Variants in SPAG16 observed in about 807,000 individuals in gnomAD.
SPAG16 encodes sperm associated antigen 16, also known as sperm-associated antigen 16 protein.
In SPAG16, 86 loss-of-function variants were observed where a neutral mutation model predicts 80.4. The ratio of observed to expected loss-of-function variants is 1.07; its 90% CI spans 0.90 to 1.28. The LOEUF (loss-of-function observed/expected upper bound fraction) is 1.28, where lower values mean the gene tolerates loss of function less well. Ranked by LOEUF, SPAG16 falls within the 50% of genes most tolerant of loss-of-function variation. The pLI is 0.00. For missense variants in SPAG16, 870 were observed against 765.3 expected (o/e 1.14, Z -1.61); for synonymous variants, 294 against 265.9 (o/e 1.11, Z -1.03).
intron 14 of SPAG16, among the ~76,000 whole-genome samples, chr2:214,130,031 C>T (rs1423509881): frequency 3.3e-5 from 5 of 152,128 alleles, no homozygotes; most frequent in South Asian, 2.1e-4. Context: ...TACAAGTGAG[C>T]GTGCCTTCCA....
At chr2:213,831,061 ATGGAGTCTTGCTCTGTCCCCCAGGT>A (rs2073620604) in intron 10 of SPAG16, among the ~76,000 whole-genome samples, 1 of 102,960 alleles carries the variant, frequency 9.7e-6, no homozygotes. Context: ...TTTTTTTGAG[ATGGAGTCTTGCTCTGTCCCCCAGGT>A]TGGAGTGCAG....
chr2:214,165,469 C>CATTTTTTTTTTTTTTTT (rs2056610556), intron 15 of SPAG16, among the ~76,000 whole-genome samples: 1 of 37,842 alleles, frequency 2.6e-5, no homozygotes, highest in African/African-American at 1.4e-4. Flanking sequence ...CATCACCATC[C>CATTTTTTTTTTTTTTTT]TTTTTTTTTT....
intron 15 of SPAG16, among the ~76,000 whole-genome samples, chr2:214,324,270 T>G (rs1418762289): frequency 6.6e-6 from 1 of 152,232 alleles, no homozygotes; most frequent in East Asian, 1.9e-4. Context: ...GATATTTCTT[T>G]TCAAGTATAC....
intron 10 of SPAG16, among the ~76,000 whole-genome samples, chr2:213,525,506 C>A (rs2075856417): frequency 6.6e-6 from 1 of 151,800 alleles, no homozygotes; most frequent in Non-Finnish European, 1.5e-5. Flanking sequence ...CAAGGCTGGT[C>A]TCAAACTCCT....
At chr2:213,505,302 AT>A (rs570097398) in intron 10 of SPAG16, among the ~76,000 whole-genome samples, 32 of 151,406 alleles carry the variant, frequency 2.1e-4, no homozygotes, top group African/African-American at 7.3e-4. Context: ...TGTGGACACA[AT>A]TTTTTTTTAC....
intron 15 of SPAG16, among the ~76,000 whole-genome samples, chr2:214,198,354 G>GT (rs915902595): frequency 6.6e-6 from 1 of 151,952 alleles, no homozygotes; most frequent in African/African-American, 2.4e-5. Flanking sequence ...ACAAAATTTG[G>GT]TTTTTCCATT....
chr2:214,309,588 G>A (rs1231697659), intron 15 of SPAG16, among the ~76,000 whole-genome samples: 1 of 151,390 alleles, frequency 6.6e-6, no homozygotes, highest in African/African-American at 2.4e-5. Context: ...TATCCTATTT[G>A]ATGACCATGA....
intron 13 of SPAG16, among the ~76,000 whole-genome samples, chr2:214,072,163 G>A (rs2050817177): frequency 6.6e-6 from 1 of 151,898 alleles, no homozygotes; most frequent in African/African-American, 2.4e-5. Context: ...CTTTACAAAG[G>A]CAAGCACAAA....
chr2:214,160,311 C>T (rs2056387512), intron 15 of SPAG16, among the ~76,000 whole-genome samples: 1 of 150,930 alleles, frequency 6.6e-6, no homozygotes. Flanking sequence ...TCCTTTATGC[C>T]TTTCATAATA....
intron 10 of SPAG16, among the ~76,000 whole-genome samples, chr2:213,599,651 G>T (rs1452953766): frequency 5.3e-5 from 8 of 152,110 alleles, no homozygotes; most frequent in Admixed American, 4.6e-4. Flanking sequence ...TTATCAGTAA[G>T]GCTTCTTGTC....
intron 10 of SPAG16, among the ~76,000 whole-genome samples, chr2:213,800,503 G>A (rs2071328684): frequency 6.6e-6 from 1 of 151,870 alleles, no homozygotes; most frequent in Admixed American, 6.6e-5. Context: ...GAGTATCTAG[G>A]ACTACACGTG....
At position 213,731,460 on chromosome 2, in the gene SPAG16, GTT is replaced by G. The variant is rs986357991; in HGVS notation, c.1071-131009_1071-131008del. ...CAGGCGTGAGCCACCATGTCCAGCTGTTTTTTTTTTTTTTTTTCTTTTCCAAC... is the reference window on the plus strand; with the variant it reads ...CAGGCGTGAGCCACCATGTCCAGCTGTTTTTTTTTTTTTTTCTTTTCCAAC... On this transcript the variant is annotated intron_variant, in intron 10 of 15. Transcript: ENST00000331683. Among the ~76,000 whole-genome samples the G allele has an allele frequency of 7.3e-4, 18 of 24,534 alleles. No individual in the cohort carries two copies. The Admixed American group carries it at 0.013, about 18-fold the overall frequency. 16.1% of individuals were successfully genotyped at this position (24,534 alleles called of 152,430 possible).
At chr2:213,621,629 G>A (rs749482178) in intron 10 of SPAG16, among the ~76,000 whole-genome samples, 2 of 152,166 alleles carry the variant, frequency 1.3e-5, no homozygotes, top group Non-Finnish European at 2.9e-5. Context: ...AATTAATTGT[G>A]TATGGAACAG....
intron 10 of SPAG16, among the ~76,000 whole-genome samples, chr2:213,768,396 G>A (rs2069060283): frequency 6.6e-6 from 1 of 152,168 alleles, no homozygotes; most frequent in Non-Finnish European, 1.5e-5. Context: ...AGTGTAGACA[G>A]AAAAGTTACT....
intron 10 of SPAG16, among the ~76,000 whole-genome samples, chr2:213,752,194 A>G (rs1471143041): frequency 6.6e-6 from 1 of 152,210 alleles, no homozygotes; most frequent in Non-Finnish European, 1.5e-5. Context: ...TTTTTCTGCT[A>G]GACTAGATAA....
intron 11 of SPAG16, among the ~76,000 whole-genome samples, chr2:213,866,568 G>C (rs2075692016): frequency 6.6e-6 from 1 of 152,084 alleles, no homozygotes; most frequent in East Asian, 1.9e-4. Flanking sequence ...AATTGATTAG[G>C]GGAATGGATT....
intron 13 of SPAG16, among the ~76,000 whole-genome samples, chr2:214,044,326 T>C (rs2049194110): frequency 6.6e-6 from 1 of 152,200 alleles, no homozygotes; most frequent in Admixed American, 6.5e-5. Flanking sequence ...ATCTTTCCAT[T>C]CATAAAATAC....
In SPAG16 at chr2:213,705,487, G is replaced by A. The variant is rs563130010; in HGVS notation, c.1071-156998G>A. Among the ~76,000 whole-genome samples, 3 of 152,210 alleles carry A rather than the reference G, an allele frequency of 2.0e-5. No individual in the cohort carries two copies. In the South Asian group the frequency reaches 6.2e-4, roughly 32 times the overall value. The stretch of plus-strand genomic sequence containing the variant: ...GGCATCTCTTAAGAGGGAGCTGGAG[G>A]TAGAAAGGGTGGGGGAAAGAAGGAA... On this transcript the variant is annotated intron_variant, in intron 10 of 15. Coordinates refer to ENST00000331683, the MANE Select transcript of SPAG16 (RefSeq NM_024532.5).
chr2:213,622,503 C>T (rs1203709522), intron 10 of SPAG16, among the ~76,000 whole-genome samples: 1 of 152,174 alleles, frequency 6.6e-6, no homozygotes, highest in Non-Finnish European at 1.5e-5. Flanking sequence ...GCTGCAGCAC[C>T]CAATTAAAAC....
Sources: allele counts gnomAD v4.1 joint callset (sites outside exome capture counted in the v4.1 genomes callset), GRCh38; gene constraint gnomAD v4.1.1; transcripts MANE v1.5; gene names NCBI Gene and HGNC (gene_info 2026-07-23, HGNC 2026-07-21).